DPP6: variants seen among roughly 807,000 people sequenced by gnomAD.
The protein encoded by DPP6 is dipeptidyl peptidase like 6, also known as A-type potassium channel modulatory protein DPP6.
Under a neutral mutation model 122.6 loss-of-function variants are expected in DPP6, and 69 were observed. The observed-to-expected ratio is 0.56, with a 90% CI of 0.46 to 0.69. The LOEUF is 0.69. DPP6 is among the 30% of genes least tolerant of loss of function. The pLI, the probability that DPP6 is intolerant of heterozygous loss-of-function variation, is 0.00. For synonymous variants in DPP6, 418 were observed against 433.1 expected (o/e 0.97, Z 0.43); for missense variants, 928 against 1,116.9 (o/e 0.83, Z 2.41).
At chr7:154,165,246 A>C (rs1488403930) in intron 1 of DPP6, among the ~76,000 whole-genome samples, 1 of 145,276 alleles carries the variant, frequency 6.9e-6, no homozygotes, top group Non-Finnish European at 1.5e-5. Context: ...TATGAGTGAG[A>C]ATATGCGGTG....
chr7:153,978,995 C>T (rs1478757569), intron 1 of DPP6, among the ~76,000 whole-genome samples: 2 of 152,122 alleles, frequency 1.3e-5, no homozygotes, highest in East Asian at 1.9e-4. Context: ...CAGCTTTATT[C>T]TTTTTGCTTA....
intron 1 of DPP6, among the ~76,000 whole-genome samples, chr7:154,180,030 A>G (rs1035625261): frequency 6.6e-6 from 1 of 152,136 alleles, no homozygotes; most frequent in South Asian, 2.1e-4. Context: ...AAACAGAATG[A>G]AGTACAGGAT....
rs567523845 is a variant in DPP6, at chr7:154,290,196, G to A, written c.244-156018G>A. Among the ~76,000 whole-genome samples the A allele has an allele frequency of 8.5e-5, 13 of 152,238 alleles. No individual in the cohort carries two copies. The East Asian group carries it at 1.2e-3, about 14-fold the overall frequency. ...ATTATTTATGTTGCTGCAGCCAAAC[G>A]TCTCTAAAGAAAATGATCAAATTGT... On this transcript the variant is annotated intron_variant, in intron 1 of 25. Transcript: ENST00000377770.
At chr7:153,894,819 A>G (rs1186038925) in intron 1 of DPP6, among the ~76,000 whole-genome samples, 3 of 152,210 alleles carry the variant, frequency 2.0e-5, no homozygotes, top group Non-Finnish European at 2.9e-5. Context: ...GATCAGAGGC[A>G]AATTTTTTGA....
At chr7:154,868,429 C>G (rs1372661752) in intron 18 of DPP6, among the ~76,000 whole-genome samples, 2 of 152,198 alleles carry the variant, frequency 1.3e-5, no homozygotes, top group African/African-American at 2.4e-5. Flanking sequence ...AATTCCCTTT[C>G]TGTGCCATCT....
intron 1 of DPP6, among the ~76,000 whole-genome samples, chr7:154,411,525 G>T (rs186930641): frequency 7.1e-4 from 108 of 152,324 alleles, no homozygotes; most frequent in Admixed American, 7.0e-3. Flanking sequence ...ACAGGCATGA[G>T]CCACAGTGCT....
upstream of DPP6, among the ~76,000 whole-genome samples, chr7:154,052,176 C>T (rs1250777282): frequency 2.0e-5 from 3 of 151,540 alleles, no homozygotes; most frequent in African/African-American, 7.2e-5. This position sits in a 1 kb window ranked among gnomAD's most constrained non-coding sequence, Gnocchi z 4.8. Flanking sequence ...ACTCCCCCAC[C>T]GCCCCCGCAC....
At chr7:154,292,496 G>A (rs1417031225) in intron 1 of DPP6, among the ~76,000 whole-genome samples, 3 of 152,184 alleles carry the variant, frequency 2.0e-5, no homozygotes, top group Non-Finnish European at 4.4e-5. Context: ...TTTCAGATGT[G>A]CTTTTTCCCA....
At chr7:154,810,110 C>A (rs1251105898) in intron 16 of DPP6, among the ~76,000 whole-genome samples, 1 of 152,178 alleles carries the variant, frequency 6.6e-6, no homozygotes, top group East Asian at 1.9e-4. Flanking sequence ...CCTGCCTTGG[C>A]CTCCCAAAGT....
At chr7:154,681,138 G>A (rs558285689) in intron 7 of DPP6, among the ~76,000 whole-genome samples, 2 of 152,148 alleles carry the variant, frequency 1.3e-5, no homozygotes, top group East Asian at 3.9e-4. Context: ...TCACTCTTAA[G>A]CCAGAACAAA....
intron 1 of DPP6, among the ~76,000 whole-genome samples, chr7:154,076,038 C>T (rs1275589866): frequency 1.3e-5 from 2 of 151,410 alleles, no homozygotes; most frequent in East Asian, 2.0e-4. Flanking sequence ...TGTCCTTCAG[C>T]GTGTCACTGC....
At chr7:154,693,914 T>C (rs1347549041) in intron 7 of DPP6, among the ~76,000 whole-genome samples, 1 of 152,196 alleles carries the variant, frequency 6.6e-6, no homozygotes, top group African/African-American at 2.4e-5. Flanking sequence ...GATGCATGCA[T>C]ACATGTGTGA....
chr7:153,812,699 A>G, the DPP6 span, among the ~76,000 whole-genome samples: 6 of 152,200 alleles, frequency 3.9e-5, no homozygotes, highest in Admixed American at 2.0e-4. Context: ...CAAGGCTGCA[A>G]GGACTAATTT....
chr7:154,333,594 G>A (rs1206560110), intron 1 of DPP6, among the ~76,000 whole-genome samples: 2 of 152,160 alleles, frequency 1.3e-5, no homozygotes, highest in Admixed American at 6.5e-5. Flanking sequence ...TAATCTCCAT[G>A]GCTCATATGT....
chr7:153,984,053 AACACACACAC>A (rs528640069), intron 1 of DPP6, among the ~76,000 whole-genome samples: 6,031 of 131,994 alleles, frequency 0.046, 153 homozygotes, highest in South Asian at 0.067. Context: ...TTCTGTCCAT[AACACACACAC>A]ACACACACAC....
chr7:153,911,280 C>A (rs991961647), intron 1 of DPP6, among the ~76,000 whole-genome samples: 1 of 152,190 alleles, frequency 6.6e-6, no homozygotes, highest in Non-Finnish European at 1.5e-5. Context: ...ATGCTCAAAT[C>A]GTTGTCCACA....
chr7:154,185,921 C>T (rs1798331520), intron 1 of DPP6, among the ~76,000 whole-genome samples: 3 of 152,096 alleles, frequency 2.0e-5, no homozygotes, highest in Admixed American at 6.6e-5. Flanking sequence ...AGTATATAAG[C>T]GGGTATTTCT....
At chr7:153,801,240 A>C in the DPP6 span, among the ~76,000 whole-genome samples, 1,921 of 145,118 alleles carry the variant, frequency 0.013, 25 homozygotes, top group Non-Finnish European at 0.02. Context: ...CAGTTTTCAC[A>C]GTTTCAACAC....
chr7:154,857,146 A>G (rs1463632406), intron 17 of DPP6, among the ~76,000 whole-genome samples: 1 of 152,126 alleles, frequency 6.6e-6, no homozygotes, highest in East Asian at 1.9e-4. Flanking sequence ...CTCTTTCAGG[A>G]TGGTAACTTA....
Sources: gnomAD v4.1 joint callset for allele counts (sites outside exome capture counted in the v4.1 genomes callset) on GRCh38, gnomAD v4.1.1 for gene constraint, Gnocchi (gnomAD v3.1) non-coding constraint, MANE v1.5 for transcripts, NCBI Gene and HGNC (gene_info 2026-07-23, HGNC 2026-07-21) for gene names.